The following HECW1 variants were observed in gnomAD, a reference collection of about 807,000 sequenced individuals.
HECW1 encodes HECT, C2 and WW domain containing E3 ubiquitin protein ligase 1, also known as E3 ubiquitin-protein ligase HECW1.
In HECW1, 61 loss-of-function variants were observed where a neutral mutation model predicts 182.3. The observed-to-expected ratio is 0.33, with a 90% CI of 0.27 to 0.41. The LOEUF (loss-of-function observed/expected upper bound fraction) is 0.41. Ranked by LOEUF, HECW1 falls within the 10% of genes least tolerant of loss-of-function variation. HECW1 has a pLI of 1.00. For missense variants in HECW1, 1,739 were observed against 2,108.9 expected, an observed-to-expected ratio of 0.82 and a Z score of 3.44; for synonymous variants, 859 against 832.6, an observed-to-expected ratio of 1.03 and a Z score of -0.55.
chr7:43,259,871 G>C (rs145527802), intron 3 of HECW1, among the ~76,000 whole-genome samples: 141 of 152,280 alleles, frequency 9.3e-4, no homozygotes, highest in Middle Eastern at 3.4e-3. Context: ...AGAATAATGA[G>C]AGAGAGAATG....
At chr7:43,262,759 C>T (rs546769344) in intron 3 of HECW1, among the ~76,000 whole-genome samples, 6 of 152,182 alleles carry the variant, frequency 3.9e-5, no homozygotes, top group South Asian at 2.1e-4. Context: ...ATAAATAGAC[C>T]GGAGATGTTC....
rs200886554 is a variant in HECW1 at position 43,172,449 on chromosome 7, C to G, written c.-32+58058C>G. On this transcript the variant is annotated intron_variant, in intron 2 of 29. Transcript: ENST00000395891. ...TCTAGGATTTTTTTTTCAATAAATT[C>G]TTTCACACATGCCCATGTTTATATA... Among the ~76,000 whole-genome samples, 29 of 149,036 alleles carry G rather than the reference C, an allele frequency of 1.9e-4. 1 individual carries two copies. The East Asian group carries it at 5.5e-3, about 28-fold the overall frequency.
intron 27 of HECW1, 144 bp downstream of exon 27, chr7:43,550,735 TG>T (rs1402528638): frequency 5.2e-6 from 4 of 765,874 alleles, no homozygotes; most frequent in Non-Finnish European, 8.4e-6. Flanking sequence ...GCTCAGCGAG[TG>T]CTCCTCACCA....
At chr7:43,211,725 G>A (rs556234915) in intron 2 of HECW1, among the ~76,000 whole-genome samples, 1 of 152,336 alleles carries the variant, frequency 6.6e-6, no homozygotes, top group South Asian at 2.1e-4. Context: ...TACCCACAGA[G>A]CATAAAACTT....
intron 16 of HECW1, among the ~76,000 whole-genome samples, chr7:43,477,325 AT>A (rs2078255876): frequency 6.6e-6 from 1 of 152,214 alleles, no homozygotes; most frequent in African/African-American, 2.4e-5. Flanking sequence ...ACTTTTAGAA[AT>A]GCATACTAAA....
intron 3 of HECW1, among the ~76,000 whole-genome samples, chr7:43,287,358 G>A: frequency 6.6e-6 from 1 of 152,038 alleles, no homozygotes; most frequent in Non-Finnish European, 1.5e-5. Flanking sequence ...GAGTGCAGAG[G>A]CCCCGAGGCA....
At chr7:43,190,803 C>A (rs1383526697) in intron 2 of HECW1, among the ~76,000 whole-genome samples, 1 of 152,234 alleles carries the variant, frequency 6.6e-6, no homozygotes, top group Non-Finnish European at 1.5e-5. Flanking sequence ...CCTCTAAGTT[C>A]ATAAGGGATT....
chr7:43,263,200 G>A (rs1385554708), intron 3 of HECW1, among the ~76,000 whole-genome samples: 2 of 152,136 alleles, frequency 1.3e-5, no homozygotes, highest in Non-Finnish European at 2.9e-5. Context: ...GCATCTAAAA[G>A]CTTCAAAACT....
intron 2 of HECW1, among the ~76,000 whole-genome samples, chr7:43,193,562 A>G (rs1794148509): frequency 6.6e-6 from 1 of 152,008 alleles, no homozygotes; most frequent in East Asian, 1.9e-4. Context: ...TTATATTTTT[A>G]GTAGAGACGG....
intron 2 of HECW1, among the ~76,000 whole-genome samples, chr7:43,175,461 T>C (rs559644705): frequency 2.4e-4 from 36 of 152,348 alleles, no homozygotes; most frequent in Non-Finnish European, 4.6e-4. Context: ...AATTTTGCTG[T>C]GAACATTGTC....
chr7:43,213,889 T>C (rs965254291), intron 2 of HECW1, among the ~76,000 whole-genome samples: 19 of 152,070 alleles, frequency 1.2e-4, no homozygotes, highest in Non-Finnish European at 5.9e-5. Flanking sequence ...GGGAATATGA[T>C]TGCAATGAGA....
chr7:43,534,791 G>A (rs543711685), intron 24 of HECW1, among the ~76,000 whole-genome samples: 1 of 152,286 alleles, frequency 6.6e-6, no homozygotes, highest in African/African-American at 2.4e-5. Flanking sequence ...GCAGAAGTTT[G>A]CAGCAGGAAA....
intron 21 of HECW1, among the ~76,000 whole-genome samples, chr7:43,505,601 C>T: frequency 6.6e-6 from 1 of 152,214 alleles, no homozygotes; most frequent in East Asian, 1.9e-4. Context: ...ACTCTGTGCT[C>T]CAGACAAACT....
intron 7 of HECW1, among the ~76,000 whole-genome samples, chr7:43,402,690 T>C (rs1288441877): frequency 6.6e-6 from 1 of 152,154 alleles, no homozygotes. Flanking sequence ...CTTTTTAGGG[T>C]TTAAAAGGGG....
chr7:43,437,218 C>T (rs1025095874), intron 8 of HECW1, among the ~76,000 whole-genome samples: 2 of 152,266 alleles, frequency 1.3e-5, no homozygotes, highest in East Asian at 1.9e-4. Flanking sequence ...CCTAGTTTCT[C>T]GGGTGTCTTT....
At chr7:43,369,457 C>T (rs1405780109) in intron 6 of HECW1, among the ~76,000 whole-genome samples, 1 of 151,736 alleles carries the variant, frequency 6.6e-6, no homozygotes, top group Non-Finnish European at 1.5e-5. Flanking sequence ...AGCGAAACTC[C>T]GTCTCAAAAA....
rs192795973 is a variant in HECW1 at position 43,181,468 on chromosome 7, T to C, written c.-31-62407T>C. Among the ~76,000 whole-genome samples the C allele has an allele frequency of 2.5e-3, 378 of 151,120 alleles. 27 individuals carry two copies. The highest frequency in any genetic ancestry group is 9.0e-3 in the African/African-American group (362 of 40,416). The stretch of plus-strand genomic sequence containing the variant: ...AATTTACACTTCCACCAACATTGCA[T>C]AAGGGTTTCTTTTTCTCCACACCCC... On this transcript the variant is annotated intron_variant, in intron 2 of 29. Coordinates refer to ENST00000395891, the MANE Select transcript of HECW1 (RefSeq NM_015052.5).
chr7:43,457,144 G>A (rs766122479), intron 13 of HECW1, among the ~76,000 whole-genome samples: 13 of 152,148 alleles, frequency 8.5e-5, no homozygotes, highest in Non-Finnish European at 1.5e-4. Flanking sequence ...AACAGTATCA[G>A]GCTTAAACAG....
intron 3 of HECW1, among the ~76,000 whole-genome samples, chr7:43,263,603 C>T (rs1584237988): frequency 6.6e-6 from 1 of 152,124 alleles, no homozygotes; most frequent in East Asian, 1.9e-4. Context: ...TTGTGATCCG[C>T]CCGCCTCAGC....
Sources: gnomAD v4.1 joint callset for allele counts (sites outside exome capture counted in the v4.1 genomes callset) on GRCh38, gnomAD v4.1.1 for gene constraint, MANE v1.5 for transcripts, NCBI Gene and HGNC (gene_info 2026-07-23, HGNC 2026-07-21) for gene names.